Variants in SHCBP1 observed in about 807,000 individuals in gnomAD.
SHCBP1 encodes the protein SHC SH2 domain-binding protein 1.
Under a neutral mutation model 75.1 loss-of-function variants are expected in SHCBP1, and 60 were observed. The observed-to-expected ratio is 0.80, with a 90% CI of 0.65 to 0.99. The LOEUF (loss-of-function observed/expected upper bound fraction) is 0.99, where lower values mean the gene tolerates loss of function less well. SHCBP1 is among the 50% of genes least tolerant of loss of function. The pLI, the probability that SHCBP1 is intolerant of heterozygous loss-of-function variation, is 0.00. For synonymous variants in SHCBP1, 290 were observed against 293.2 expected (o/e 0.99, Z 0.11); for missense variants, 709 against 809.4 (o/e 0.88, Z 1.50).
At chr16:46,584,623 TAC>T (rs1254164342) in intron 10 of SHCBP1, among the ~76,000 whole-genome samples, 1 of 152,180 alleles carries the variant, frequency 6.6e-6, no homozygotes, top group Non-Finnish European at 1.5e-5. Context: ...TGGCTTTCCC[TAC>T]CACACACGTT....
At chr16:46,615,875 C>A in intron 4 of SHCBP1, 71 bp downstream of exon 4, 1 of 1,451,988 alleles carries the variant, frequency 6.9e-7, no homozygotes, top group Non-Finnish European at 9.7e-7. Flanking sequence ...GGGTCTAACA[C>A]AGACCAGAAT....
At chr16:46,588,768 T>G (rs1483947031) in intron 10 of SHCBP1, among the ~76,000 whole-genome samples, 8 of 152,182 alleles carry the variant, frequency 5.3e-5, no homozygotes, top group African/African-American at 1.9e-4. Context: ...TACCATTCCT[T>G]CTGAAACTAT....
At chr16:46,621,090 C>T (rs1596694686) in intron 1 of SHCBP1, among the ~76,000 whole-genome samples, 167 bp downstream of exon 1, 3 of 152,310 alleles carry the variant, frequency 2.0e-5, no homozygotes, top group Admixed American at 2.0e-4. Context: ...CCCCTGGGTA[C>T]CGCCCGACTT....
chr16:46,606,610 C>A (rs1029134641), intron 5 of SHCBP1, among the ~76,000 whole-genome samples: 1 of 152,136 alleles, frequency 6.6e-6, no homozygotes, highest in Non-Finnish European at 1.5e-5. Context: ...CAATCAAAAT[C>A]AATCATTTCT....
chr16:46,594,088 C>A (rs957226581), intron 10 of SHCBP1, among the ~76,000 whole-genome samples: 1 of 152,032 alleles, frequency 6.6e-6, no homozygotes, highest in Non-Finnish European at 1.5e-5. Flanking sequence ...AAACCTCACA[C>A]CTTATACCAA....
Position 46,604,042 on chromosome 16 carries a change from C to G in SHCBP1, c.1025G>C (p.Gly342Ala), listed in dbSNP as rs1337905276. Reference sequence around the variant, plus strand: ...GTCCGTAAGCAGGGACCGCAGGAGACCAGCCATCATGGTGGAGGAGACCAC... The same window carrying G: ...GTCCGTAAGCAGGGACCGCAGGAGAGCAGCCATCATGGTGGAGGAGACCAC... ...THVVSSTMMA[G>A]LLRSLLTDRL... The change falls in exon 7 of 13, where the codon GGT (glycine) becomes GCT (alanine). Residue 342 changes from glycine (G) to alanine (A), a missense_variant. Physicochemically the swap from Gly to Ala is moderately conservative, Grantham distance 60. Coordinates refer to ENST00000303383, the MANE Select transcript of SHCBP1 (RefSeq NM_024745.5). The G allele has an allele frequency of 3.1e-6, 5 of 1,614,078 alleles. No individual in the cohort carries two copies. The African/African-American group carries it at 6.7e-5, about 22-fold the overall frequency.
In SHCBP1 at chr16:46,579,356, A is replaced by ATT. The variant is rs1964837085; in HGVS notation, c.*2372_*2373insAA. On this transcript the variant is annotated 3_prime_UTR_variant, in exon 13 of 13. Coordinates refer to ENST00000303383, the MANE Select transcript of SHCBP1 (RefSeq NM_024745.5). ...GCAAAATGTACTGCATATAACTTAA[A>ATT]TAAGAACAAAGTAGGCCTACTCATT... Among the ~76,000 whole-genome samples, 1 of 152,204 alleles carries ATT rather than the reference A, an allele frequency of 6.6e-6. No homozygotes were observed. Among genetic ancestry groups the ATT allele is most frequent in the Non-Finnish European group, 1.5e-5 (1 of 68,044 alleles).
chr16:46,603,450 C>T, intron 8 of SHCBP1, 89 bp downstream of exon 8: 2 of 1,565,750 alleles, frequency 1.3e-6, no homozygotes, highest in Non-Finnish European at 1.7e-6. Flanking sequence ...GTTCAAATCA[C>T]ATTCTTGGAG....
chr16:46,621,179 C>G, intron 1 of SHCBP1, 78 bp downstream of exon 1: 5 of 1,365,072 alleles, frequency 3.7e-6, no homozygotes, highest in Non-Finnish European at 5.0e-6. Context: ...GGCCCGCGAC[C>G]CAGGCGCCCT....
chr16:46,613,179 G>C (rs1428841219), intron 4 of SHCBP1, among the ~76,000 whole-genome samples: 1 of 152,044 alleles, frequency 6.6e-6, no homozygotes, highest in African/African-American at 2.4e-5. Context: ...TAAAAAACTA[G>C]CTGGCTAGTG....
chr16:46,619,056 A>G (rs1965545836), intron 1 of SHCBP1, among the ~76,000 whole-genome samples: 2 of 152,210 alleles, frequency 1.3e-5, no homozygotes, highest in African/African-American at 4.8e-5. Flanking sequence ...GAGAGTCTTA[A>G]TAATCCATAA....
At chr16:46,588,017 A>G (rs1343083247) in intron 10 of SHCBP1, among the ~76,000 whole-genome samples, 1 of 152,204 alleles carries the variant, frequency 6.6e-6, no homozygotes, top group African/African-American at 2.4e-5. Flanking sequence ...AACTCACTCA[A>G]AACAAAACTG....
At chr16:46,603,706 G>A (rs1470369150) in intron 7 of SHCBP1, 47 bp from the exon 8 acceptor site, 1 of 1,608,184 alleles carries the variant, frequency 6.2e-7, no homozygotes, top group African/African-American at 1.3e-5. Context: ...TCCCAAAAAA[G>A]TAATTTGAGT....
intron 5 of SHCBP1, among the ~76,000 whole-genome samples, chr16:46,605,070 A>G (rs1180510556): frequency 6.6e-6 from 1 of 152,218 alleles, no homozygotes; most frequent in Admixed American, 6.5e-5. Flanking sequence ...ATTTCAAAAA[A>G]TAAGCCCTTG....
Position 46,596,910 on chromosome 16 carries a change from TAG to T in SHCBP1, c.1346-1242_1346-1241del, listed in dbSNP as rs542220751. 3.4e-3 allele frequency among the ~76,000 whole-genome samples: 520 copies of T among 151,614 alleles called. 5 individuals carry two copies. Among genetic ancestry groups the T allele is most frequent in the Middle Eastern group, 0.017 (5 of 290 alleles). ...ACCTGGCTAGTTTTTGTATTTTTAG[TAG>T]AGACAGGGTTCCACCATGTTCGCCA... is the stretch of plus-strand genomic sequence containing the variant. On this transcript the variant is annotated intron_variant, in intron 9 of 12. Transcript: ENST00000303383.
intron 4 of SHCBP1, 134 bp downstream of exon 4, chr16:46,615,812 T>G (rs1965487133): frequency 5.8e-6 from 4 of 691,472 alleles, no homozygotes; most frequent in Middle Eastern, 2.7e-4. Context: ...TATCCTATCT[T>G]TGGATATTTT....
intron 5 of SHCBP1, among the ~76,000 whole-genome samples, chr16:46,606,169 A>G (rs1965324707): frequency 6.6e-6 from 1 of 152,196 alleles, no homozygotes; most frequent in South Asian, 2.1e-4. Flanking sequence ...AAAAGCAATG[A>G]AGTAACATTT....
At chr16:46,601,927 T>C (rs1965244157) in intron 8 of SHCBP1, among the ~76,000 whole-genome samples, 1 of 152,200 alleles carries the variant, frequency 6.6e-6, no homozygotes, top group African/African-American at 2.4e-5. Context: ...GTACTCAATA[T>C]ATATCTCTTG....
At chr16:46,613,124 C>T (rs1965445242) in intron 4 of SHCBP1, among the ~76,000 whole-genome samples, 1 of 152,124 alleles carries the variant, frequency 6.6e-6, no homozygotes, top group South Asian at 2.1e-4. Flanking sequence ...TCGAGACCAG[C>T]TTGGGCAACA....
Sources: gnomAD v4.1 joint callset for allele counts (sites outside exome capture counted in the v4.1 genomes callset) on GRCh38, gnomAD v4.1.1 for gene constraint, MANE v1.5 for transcripts, NCBI Gene and HGNC (gene_info 2026-07-23, HGNC 2026-07-21) for gene names.